The following RNF182 variants were observed in gnomAD, a reference collection of about 807,000 sequenced individuals.
RNF182 encodes the protein ring finger protein 182, also known as E3 ubiquitin-protein ligase RNF182.
In RNF182, 15 loss-of-function variants were observed where a neutral mutation model predicts 14.4. The observed-to-expected ratio is 1.04, with a 90% confidence interval of 0.70 to 1.60. The LOEUF is 1.60. RNF182 is among the 40% of genes most tolerant of loss of function. RNF182 has a pLI of 0.00. For synonymous variants in RNF182, 128 were observed against 122.9 expected (o/e 1.04, Z -0.27); for missense variants, 268 against 294.8 (o/e 0.91, Z 0.67).
At chr6:13,969,081 G>A (rs1490089602) in intron 1 of RNF182, among the ~76,000 whole-genome samples, 1 of 151,530 alleles carries the variant, frequency 6.6e-6, no homozygotes, top group Non-Finnish European at 1.5e-5. Context: ...CTCAGTTCAG[G>A]TCTCATCAGG....
At chr6:13,949,617 C>T (rs1050249738) in intron 1 of RNF182, 14 of 374,606 alleles carry the variant, frequency 3.7e-5, no homozygotes, top group African/African-American at 1.7e-4. Context: ...ACTGATATGA[C>T]GATGATTCTT....
chr6:13,968,341 A>G (rs1760090144), intron 1 of RNF182, among the ~76,000 whole-genome samples: 1 of 152,200 alleles, frequency 6.6e-6, no homozygotes, highest in Non-Finnish European at 1.5e-5. Context: ...TTCTTTGTCA[A>G]ATATAAATGT....
intron 1 of RNF182, among the ~76,000 whole-genome samples, chr6:13,955,648 T>C (rs1190362702): frequency 4.6e-5 from 7 of 152,216 alleles, no homozygotes; most frequent in African/African-American, 1.7e-4. Flanking sequence ...CCTTGATGCA[T>C]TATGTGCTCC....
At chr6:13,941,655 C>G (rs1759302669) in intron 1 of RNF182, among the ~76,000 whole-genome samples, 1 of 151,608 alleles carries the variant, frequency 6.6e-6, no homozygotes, top group South Asian at 2.1e-4. Flanking sequence ...AATTTTAATT[C>G]AGTTTTCTTC....
rs1301449262 is a variant in RNF182, at chr6:13,978,661, T to A, written c.*798T>A. The A allele has an allele frequency of 4.8e-5, 8 of 167,076 alleles. No individual in the cohort carries two copies. Among genetic ancestry groups the A allele is most frequent in the Non-Finnish European group, 1.0e-4 (7 of 68,122 alleles). 10.3% of individuals were successfully genotyped at this position (167,076 alleles called of 1,614,324 possible). On this transcript the variant is annotated 3_prime_UTR_variant, in exon 3 of 3. Transcript: ENST00000488300. ...GAAAACCTTCATTTGAGTCTTTCCT[T>A]ATAACATCTTAGTTTTGGTTTTTTT...
In RNF182 at chr6:13,978,279, C is replaced by T. The variant is rs1184259131; in HGVS notation, c.*416C>T. Reference sequence around the variant, plus strand: ...AGACACAAAGTGTGTACTCCTTTCCCACCCCATACCCCTGGTATTGGAACA... The same window carrying T: ...AGACACAAAGTGTGTACTCCTTTCCTACCCCATACCCCTGGTATTGGAACA... On this transcript the variant is annotated 3_prime_UTR_variant, in exon 3 of 3. Coordinates refer to ENST00000488300, the MANE Select transcript of RNF182 (RefSeq NM_152737.4). 5.7e-6 allele frequency: 1 copy of T among 175,958 alleles called. No individual in the cohort carries two copies. Among genetic ancestry groups the T allele is most frequent in the Admixed American group, 5.8e-5 (1 of 17,164 alleles). 10.9% of individuals were successfully genotyped at this position (175,958 alleles called of 1,614,324 possible).
chr6:13,927,826 A>G (rs1758866058), intron 1 of RNF182, among the ~76,000 whole-genome samples: 1 of 152,230 alleles, frequency 6.6e-6, no homozygotes, highest in South Asian at 2.1e-4. Context: ...ATAAAAGCAC[A>G]TTTGTGAAGG....
intron 1 of RNF182, among the ~76,000 whole-genome samples, chr6:13,937,818 C>G (rs962054564): frequency 6.6e-6 from 1 of 152,080 alleles, no homozygotes; most frequent in Non-Finnish European, 1.5e-5. Flanking sequence ...CATTCTTGCT[C>G]ATAGTTGGTA....
intron 1 of RNF182, among the ~76,000 whole-genome samples, chr6:13,938,965 C>T (rs777558261): frequency 6.6e-6 from 1 of 152,116 alleles, no homozygotes; most frequent in African/African-American, 2.4e-5. Flanking sequence ...CGCCTGTAAT[C>T]CCAGCTACTT....
intron 1 of RNF182, among the ~76,000 whole-genome samples, chr6:13,932,499 A>T (rs541512661): frequency 3.9e-5 from 6 of 152,174 alleles, no homozygotes; most frequent in Non-Finnish European, 8.8e-5. Context: ...ATCGCATGTT[A>T]CTTTAATGTA....
At chr6:13,927,637 G>A (rs1758862046) in intron 1 of RNF182, among the ~76,000 whole-genome samples, 1 of 152,216 alleles carries the variant, frequency 6.6e-6, no homozygotes, top group South Asian at 2.1e-4. Flanking sequence ...CATTATGTTT[G>A]TGCCATTGAA....
At chr6:13,943,566 T>C (rs1759353445) in intron 1 of RNF182, among the ~76,000 whole-genome samples, 1 of 152,226 alleles carries the variant, frequency 6.6e-6, no homozygotes, top group Non-Finnish European at 1.5e-5. Context: ...GGAACTGCTA[T>C]ATTTTGCATA....
intron 1 of RNF182, among the ~76,000 whole-genome samples, chr6:13,963,716 C>A (rs1759938253): frequency 6.6e-6 from 1 of 152,178 alleles, no homozygotes; most frequent in South Asian, 2.1e-4. Flanking sequence ...TCAAGACACC[C>A]TGAGGTCAGA....
chr6:13,974,057 T>G (rs1366146679), intron 1 of RNF182, among the ~76,000 whole-genome samples, 153 bp from the exon 2 acceptor site: 1 of 152,138 alleles, frequency 6.6e-6, no homozygotes, highest in African/African-American at 2.4e-5. Flanking sequence ...ATTATAACCC[T>G]AGAAAGGTTT....
intron 1 of RNF182, among the ~76,000 whole-genome samples, chr6:13,967,216 G>A (rs1760055660): frequency 1.3e-5 from 2 of 152,252 alleles, no homozygotes; most frequent in East Asian, 1.9e-4. Flanking sequence ...GGCAAATGCG[G>A]AGTCAATAGA....
intron 1 of RNF182, among the ~76,000 whole-genome samples, chr6:13,932,142 G>C (rs923282318): frequency 3.2e-4 from 48 of 152,196 alleles, no homozygotes; most frequent in African/African-American, 1.2e-3. Context: ...AGCAGACTAA[G>C]ACAATTACCT....
intron 1 of RNF182, among the ~76,000 whole-genome samples, chr6:13,962,120 G>T (rs985444603): frequency 1.3e-5 from 2 of 152,090 alleles, no homozygotes; most frequent in African/African-American, 4.8e-5. Flanking sequence ...TTGGGACTGA[G>T]GCCAACATAT....
chr6:13,956,115 C>T (rs1055853234), intron 1 of RNF182, among the ~76,000 whole-genome samples: 1 of 152,124 alleles, frequency 6.6e-6, no homozygotes, highest in African/African-American at 2.4e-5. Flanking sequence ...CTGCAGATGA[C>T]AAGATTTCAT....
intron 1 of RNF182, among the ~76,000 whole-genome samples, chr6:13,966,368 A>G (rs1760028120): frequency 6.6e-6 from 1 of 152,206 alleles, no homozygotes; most frequent in African/African-American, 2.4e-5. Context: ...ATGAGTTAAT[A>G]TATAACAGCC....
Sources: allele counts gnomAD v4.1 joint callset (sites outside exome capture counted in the v4.1 genomes callset), GRCh38; gene constraint gnomAD v4.1.1; transcripts MANE v1.5; gene names NCBI Gene and HGNC (gene_info 2026-07-23, HGNC 2026-07-21).